The following CFAP47 variants were observed in gnomAD, a reference collection of about 807,000 sequenced individuals.
CFAP47 encodes the protein cilia and flagella associated protein 47.
A neutral mutation model predicts 148.1 loss-of-function variants in CFAP47; 29 were observed. That is an observed-to-expected ratio of 0.20 (90% CI 0.15 to 0.27). CFAP47 has a LOEUF of 0.27. Among genes scored for constraint, CFAP47 ranks in the 10% least tolerant of loss-of-function variants. The probability of loss-of-function intolerance (pLI) is 1.00; values close to 1 mark genes in which losing one functional copy is unlikely to be tolerated. For synonymous variants in CFAP47, 664 were observed against 577.3 expected (o/e 1.15, Z -2.15); for missense variants, 1,872 against 1,697.5 (o/e 1.10, Z -1.81).
intron 45 of CFAP47, among the ~76,000 whole-genome samples, chrX:36,217,699 A>G (rs1555990314): frequency 8.9e-6 from 1 of 112,017 alleles, no homozygotes; most frequent in East Asian, 2.8e-4. Context: ...GCACCAAACT[A>G]CAATGAGATT....
intron 26 of CFAP47, among the ~76,000 whole-genome samples, chrX:36,065,065 C>A (rs1425851534): frequency 8.9e-6 from 1 of 111,793 alleles, no homozygotes; most frequent in Non-Finnish European, 1.9e-5. Context: ...GGAGACCTGG[C>A]AGTAGAAAGA....
In CFAP47 at chrX:36,277,715, T is replaced by A. The variant is rs782789861; in HGVS notation, c.7445-2772T>A. Among the ~76,000 whole-genome samples the A allele has an allele frequency of 4.5e-5, 5 of 112,349 alleles. No homozygotes were observed. In the South Asian group the frequency reaches 1.8e-3, roughly 41 times the overall value. Reference sequence around the variant, plus strand: ...AAGATACTGGAAACATGTGGCTATTTCAATTTCAGTTAATTAAAACCAAAT... The same window carrying A: ...AAGATACTGGAAACATGTGGCTATTACAATTTCAGTTAATTAAAACCAAAT... On this transcript the variant is annotated intron_variant, in intron 49 of 63. Coordinates refer to ENST00000378653, the MANE Select transcript of CFAP47 (RefSeq NM_001304548.2).
intron 36 of CFAP47, among the ~76,000 whole-genome samples, chrX:36,148,625 C>G (rs1939267165): frequency 8.9e-6 from 1 of 112,047 alleles, no homozygotes; most frequent in Admixed American, 9.5e-5. Flanking sequence ...TGAACTACCA[C>G]ATCTAGACTG....
chrX:35,921,062 A>G (rs373785022), intron 1 of CFAP47, among the ~76,000 whole-genome samples: 2 of 111,915 alleles, frequency 1.8e-5, no homozygotes, highest in East Asian at 2.8e-4. Context: ...AATTTACAAA[A>G]AAATAAATAT....
chrX:36,239,078 GAAAGAGAAACT>G (rs2146912240), intron 48 of CFAP47, among the ~76,000 whole-genome samples: 1 of 112,108 alleles, frequency 8.9e-6, no homozygotes, highest in South Asian at 3.6e-4. Context: ...TCTTTAACAT[GAAAGAGAAACT>G]AAAAACTAGA....
intron 57 of CFAP47, among the ~76,000 whole-genome samples, chrX:36,340,227 G>T (rs1265124556): frequency 1.8e-5 from 2 of 111,785 alleles, no homozygotes; most frequent in East Asian, 5.6e-4. Context: ...CATCATCAGA[G>T]CAACCAAATG....
At chrX:35,956,239 T>A in intron 8 of CFAP47, 43 bp downstream of exon 8, 1 of 983,644 alleles carries the variant, frequency 1.0e-6, no homozygotes, top group Non-Finnish European at 1.4e-6. Flanking sequence ...GCTAACATTT[T>A]AAGGTGTGCT....
intron 22 of CFAP47, among the ~76,000 whole-genome samples, chrX:36,029,239 T>C (rs1937254955): frequency 9.0e-6 from 1 of 111,301 alleles, no homozygotes; most frequent in Non-Finnish European, 1.9e-5. Context: ...TGTATCTGTT[T>C]TCATATCTGA....
intron 23 of CFAP47, among the ~76,000 whole-genome samples, chrX:36,031,983 TA>T (rs1268550087): frequency 1.8e-5 from 2 of 110,667 alleles, no homozygotes; most frequent in Non-Finnish European, 3.8e-5. Context: ...CTTGCATTAA[TA>T]AAAAAATAGC....
chrX:36,226,013 G>A (rs1318610894), intron 45 of CFAP47, among the ~76,000 whole-genome samples: 1 of 111,925 alleles, frequency 8.9e-6, no homozygotes, highest in African/African-American at 3.2e-5. Context: ...GGGGCCTCTG[G>A]AAGTTGGTGT....
intron 3 of CFAP47, among the ~76,000 whole-genome samples, chrX:35,943,602 C>G (rs755926725): frequency 4.9e-4 from 55 of 111,468 alleles, no homozygotes; most frequent in Middle Eastern, 4.2e-3. Flanking sequence ...TCTTTTCTTT[C>G]TGAAGACATG....
chrX:36,310,505 A>T lies in CFAP47; in HGVS notation c.8188-328A>T, dbSNP rs200828583. Among the ~76,000 whole-genome samples, 70 of 55,441 alleles carry T rather than the reference A, an allele frequency of 1.3e-3. No individual in the cohort carries two copies. The African/African-American group carries it at 0.023, about 18-fold the overall frequency. The allele number at this position is 55,441 out of a possible 115,157, so 48.1% of individuals were successfully genotyped here. On this transcript the variant is annotated intron_variant, in intron 55 of 63. Coordinates refer to ENST00000378653, the MANE Select transcript of CFAP47 (RefSeq NM_001304548.2). ...TGCAGTGTTTGGTATCAAGTTTGTT[A>T]AAAAAAAAAAAACTTGAACAGAAGT...
chrX:36,184,500 C>T (rs1465223225), intron 40 of CFAP47, among the ~76,000 whole-genome samples: 1 of 111,963 alleles, frequency 8.9e-6, no homozygotes, highest in Non-Finnish European at 1.9e-5. Flanking sequence ...TTATTGTAGA[C>T]TGTATGCTCC....
chrX:35,948,222 C>T (rs1238328685), intron 3 of CFAP47, 92 bp from the exon 4 acceptor site: 2 of 833,244 alleles, frequency 2.4e-6, no homozygotes. Flanking sequence ...CAAGCTTGGT[C>T]TACTGGGTAA....
At chrX:36,001,482 T>C (rs1936914249) in intron 20 of CFAP47, 131 bp from the exon 21 acceptor site, 1 of 261,451 alleles carries the variant, frequency 3.8e-6, no homozygotes. Context: ...TGTATAGATA[T>C]CAATTTTGCT....
chrX:36,031,123 G>A (rs979962937), intron 22 of CFAP47, 130 bp from the exon 23 acceptor site: 1 of 254,902 alleles, frequency 3.9e-6, no homozygotes, highest in Non-Finnish European at 7.0e-6. Flanking sequence ...TTATTTTCTG[G>A]TTGGGAATAT....
Position 35,993,299 on chromosome X carries a change from A to G in CFAP47, c.3077A>G (p.Glu1026Gly). 1 of 296,216 alleles carries G rather than the reference A, an allele frequency of 3.4e-6. No individual in the cohort carries two copies. The highest frequency in any genetic ancestry group is 5.9e-6 in the Non-Finnish European group (1 of 169,242). 24.4% of individuals were successfully genotyped at this position (296,216 alleles called of 1,213,427 possible). A position where few individuals can be genotyped will look rare whatever the true frequency, so the allele number is the denominator to read the frequency against. Residue 1026 changes from glutamate to glycine, a missense_variant, in exon 18 of 64, where the codon GAA becomes GGA. Coordinates refer to ENST00000378653, the MANE Select transcript of CFAP47 (RefSeq NM_001304548.2). Reference sequence around the variant, plus strand: ...ATCTCCTGTAAACCCACTGTGGCAGAAAAGTTTGATACAAGAGCAAAGGTA... The same window carrying G: ...ATCTCCTGTAAACCCACTGTGGCAGGAAAGTTTGATACAAGAGCAAAGGTA... ...LNISCKPTVA[E>G]KFDTRAKVSI...
rs1942114782 is a variant in CFAP47 at position 36,384,978 on chromosome X, A to G, written c.9536A>G (p.Lys3179Arg). ...LIRTGVSSTIKGAPLVKNQ is the reference protein window; with the variant it reads ...LIRTGVSSTIRGAPLVKNQ The stretch of plus-strand genomic sequence containing the variant: ...AGAACAGGGGTGTCTTCCACCATCA[A>G]GGGTGCTCCTTTGGTGAAGAATCAA... The change falls in exon 64 of 64, where the codon AAG becomes AGG. Residue 3179 changes from lysine to arginine, a missense_variant. By Grantham distance (26) the Lys-to-Arg change is conservative. Coordinates refer to ENST00000378653, the MANE Select transcript of CFAP47 (RefSeq NM_001304548.2). 1 of 1,163,470 alleles carries G rather than the reference A, an allele frequency of 8.6e-7. No homozygotes were observed. Among genetic ancestry groups the G allele is most frequent in the African/African-American group, 1.8e-5 (1 of 55,782 alleles).
At chrX:36,169,093 C>G (rs917033250) in intron 39 of CFAP47, among the ~76,000 whole-genome samples, 2 of 110,729 alleles carry the variant, frequency 1.8e-5, no homozygotes, top group African/African-American at 6.6e-5. Context: ...AATACATAAT[C>G]CTATTGTCTT....
Sources: gnomAD v4.1 joint callset for allele counts (sites outside exome capture counted in the v4.1 genomes callset) on GRCh38, gnomAD v4.1.1 for gene constraint, MANE v1.5 for transcripts, NCBI Gene and HGNC (gene_info 2026-07-23, HGNC 2026-07-21) for gene names.